Variants in SHLD1 observed in about 807,000 individuals in gnomAD.
The protein encoded by SHLD1 is shieldin complex subunit 1.
SHLD1 carries 3 observed loss-of-function variants against 5.5 expected under a neutral mutation model. The observed-to-expected ratio is 0.54, with a 90% confidence interval of 0.25 to 1.40. The LOEUF (loss-of-function observed/expected upper bound fraction) is 1.40. SHLD1 is among the 40% of genes most tolerant of loss of function. SHLD1 has a pLI of 0.15. For synonymous variants in SHLD1, 92 were observed against 94.3 expected (o/e 0.98, Z 0.14); for missense variants, 210 against 244.4 (o/e 0.86, Z 0.94).
At chr20:5,818,323 G>A (rs556224361) in intron 2 of SHLD1, among the ~76,000 whole-genome samples, 82 of 152,192 alleles carry the variant, frequency 5.4e-4, no homozygotes, top group African/African-American at 1.9e-3. Context: ...TGATCCACCC[G>A]CCACAGCCTC....
chr20:5,826,777 C>T (rs973450716), intron 2 of SHLD1, among the ~76,000 whole-genome samples: 10 of 152,184 alleles, frequency 6.6e-5, no homozygotes, highest in South Asian at 4.1e-4. Flanking sequence ...CTGTTAAATA[C>T]GATGCCTCAT....
chr20:5,765,437 C>T (rs553693258), intron 1 of SHLD1, among the ~76,000 whole-genome samples: 2 of 151,756 alleles, frequency 1.3e-5, no homozygotes, highest in Non-Finnish European at 1.5e-5. Flanking sequence ...TTAGTAGAGA[C>T]GGGGGTTTCA....
At chr20:5,849,458 T>G (rs150612963) in intron 2 of SHLD1, among the ~76,000 whole-genome samples, 1 of 152,348 alleles carries the variant, frequency 6.6e-6, no homozygotes, top group East Asian at 1.9e-4. Flanking sequence ...GACACCTTAT[T>G]GTTTATAACA....
At chr20:5,822,228 C>T (rs1298645382) in intron 2 of SHLD1, among the ~76,000 whole-genome samples, 4 of 152,138 alleles carry the variant, frequency 2.6e-5, no homozygotes, top group African/African-American at 4.8e-5. Flanking sequence ...GAGCCCAAGG[C>T]GGGCAGATCA....
Position 5,855,197 on chromosome 20 carries a change from C to T in SHLD1, c.179-7827C>T, listed in dbSNP as rs1026577874. ...CCAACCCTGTCTCTATAAATCTGAC[C>T]ACTTTAGGTACCTCATCTAAGTGGA... On this transcript the variant is annotated intron_variant, in intron 2 of 2. Coordinates refer to ENST00000303142, the MANE Select transcript of SHLD1 (RefSeq NM_152504.4). The surrounding 1 kb of genome is among the most constrained non-coding windows in gnomAD (Gnocchi z 4.4). Among the ~76,000 whole-genome samples, 3 of 151,946 alleles carry T rather than the reference C, an allele frequency of 2.0e-5. No individual in the cohort carries two copies. Among genetic ancestry groups the T allele is most frequent in the Non-Finnish European group, 4.4e-5 (3 of 67,962 alleles).
chr20:5,775,517 C>T (rs754326415), intron 2 of SHLD1, among the ~76,000 whole-genome samples: 1 of 152,138 alleles, frequency 6.6e-6, no homozygotes, highest in Non-Finnish European at 1.5e-5. Flanking sequence ...AAATAAGGAG[C>T]ATGTTGAAAT....
rs1053740465 is a variant in SHLD1, at chr20:5,864,113, A to C, written c.*650A>C. On this transcript the variant is annotated 3_prime_UTR_variant, in exon 3 of 3. Coordinates refer to ENST00000303142, the MANE Select transcript of SHLD1 (RefSeq NM_152504.4). ...GAAATACAGTTGAGAAAAGTATATC[A>C]CATCTTGATCACACCCTTGCCTCCT... 2.6e-5 allele frequency among the ~76,000 whole-genome samples: 4 copies of C among 152,134 alleles called. No homozygotes were observed. The highest frequency in any genetic ancestry group is 4.4e-5 in the Non-Finnish European group (3 of 68,030).
intron 1 of SHLD1, among the ~76,000 whole-genome samples, chr20:5,759,137 G>A (rs1040582226): frequency 6.6e-5 from 10 of 151,012 alleles, no homozygotes; most frequent in Non-Finnish European, 1.5e-4. Context: ...TGTATTTTTA[G>A]TAGAGACGGG....
At chr20:5,846,933 G>C (rs529978733) in intron 2 of SHLD1, among the ~76,000 whole-genome samples, 20 of 152,258 alleles carry the variant, frequency 1.3e-4, no homozygotes, top group African/African-American at 4.8e-4. Context: ...AAAGAAGACA[G>C]AGGATTATTA....
At chr20:5,799,126 C>A (rs2087254445) in intron 2 of SHLD1, among the ~76,000 whole-genome samples, 1 of 152,004 alleles carries the variant, frequency 6.6e-6, no homozygotes, top group Non-Finnish European at 1.5e-5. Context: ...TCACCTGAGC[C>A]TGGGAGGCGG....
At chr20:5,839,273 T>G (rs908182942) in intron 2 of SHLD1, among the ~76,000 whole-genome samples, 2 of 152,242 alleles carry the variant, frequency 1.3e-5, no homozygotes, top group Admixed American at 6.5e-5. Context: ...TTATAATCTT[T>G]TAAAAAATAG....
intron 2 of SHLD1, among the ~76,000 whole-genome samples, chr20:5,840,884 G>A (rs2087849110): frequency 6.6e-6 from 1 of 151,310 alleles, no homozygotes. Flanking sequence ...GGCATTTAAA[G>A]TGCTTAGAAC....
intron 2 of SHLD1, among the ~76,000 whole-genome samples, chr20:5,859,033 T>C (rs2088125665): frequency 6.6e-6 from 1 of 152,100 alleles, no homozygotes; most frequent in African/African-American, 2.4e-5. Flanking sequence ...AATACCAGAA[T>C]CACTGGGACC....
intron 2 of SHLD1, among the ~76,000 whole-genome samples, chr20:5,823,416 C>T (rs1260890419): frequency 6.6e-6 from 1 of 151,640 alleles, no homozygotes; most frequent in Non-Finnish European, 1.5e-5. Flanking sequence ...AGTCATAGTG[C>T]CTGGTCTAGC....
intron 1 of SHLD1, among the ~76,000 whole-genome samples, chr20:5,763,484 C>T (rs1032936781): frequency 6.6e-6 from 1 of 152,134 alleles, no homozygotes; most frequent in Admixed American, 6.6e-5. Context: ...AATATCTCCA[C>T]AGGTAGCTAC....
At chr20:5,831,819 A>G (rs1279983262) in intron 2 of SHLD1, among the ~76,000 whole-genome samples, 1 of 152,222 alleles carries the variant, frequency 6.6e-6, no homozygotes, top group Admixed American at 6.5e-5. Context: ...ACAAAGAAGA[A>G]AAAGGTAAAC....
intron 2 of SHLD1, among the ~76,000 whole-genome samples, chr20:5,800,757 C>T (rs2087281125): frequency 6.6e-6 from 1 of 152,114 alleles, no homozygotes; most frequent in African/African-American, 2.4e-5. Context: ...CCAGTTCCAT[C>T]CCTTTTCTTC....
At chr20:5,796,516 T>G (rs937191799) in intron 2 of SHLD1, among the ~76,000 whole-genome samples, 4 of 152,070 alleles carry the variant, frequency 2.6e-5, no homozygotes, top group Non-Finnish European at 4.4e-5. Context: ...TGAAACATTT[T>G]CAGCGTGAGT....
chr20:5,852,442 T>TTC lies in SHLD1; in HGVS notation c.179-10568_179-10567dup, dbSNP rs35707278. 5.9e-4 allele frequency among the ~76,000 whole-genome samples: 87 copies of TTC among 147,304 alleles called. No individual in the cohort carries two copies. The South Asian group carries it at 6.4e-3, about 11-fold the overall frequency. On this transcript the variant is annotated intron_variant, in intron 2 of 2. Transcript: ENST00000303142. Reference sequence around the variant, plus strand: ...CTTCCTTCCTTCCTTCCTTCCTTCCTTCTCTCTCTCTCTCTGTCTTTCTTT... The same window carrying TTC: ...CTTCCTTCCTTCCTTCCTTCCTTCCTTCTCTCTCTCTCTCTCTGTCTTTCTTT...
Sources: allele counts gnomAD v4.1 joint callset (sites outside exome capture counted in the v4.1 genomes callset), GRCh38; gene constraint gnomAD v4.1.1; non-coding constraint Gnocchi (gnomAD v3.1); transcripts MANE v1.5; gene names NCBI Gene and HGNC (gene_info 2026-07-23, HGNC 2026-07-21).